ERI1: variants seen among roughly 807,000 people sequenced by gnomAD.
ERI1 encodes exoribonuclease 1.
Under a neutral mutation model 39.7 loss-of-function variants are expected in ERI1, and 39 were observed. The observed-to-expected ratio is 0.98, with a 90% CI of 0.76 to 1.28. The LOEUF is 1.28. Ranked by LOEUF, ERI1 falls within the 50% of genes most tolerant of loss-of-function variation. ERI1 has a pLI of 0.00. For synonymous variants in ERI1, 204 were observed against 149.6 expected (o/e 1.36, Z -2.65); for missense variants, 581 against 416.9 (o/e 1.39, Z -3.43).
chr8:9,009,927 G>C (rs1044050750), intron 2 of ERI1, among the ~76,000 whole-genome samples: 3 of 152,232 alleles, frequency 2.0e-5, no homozygotes, highest in Non-Finnish European at 4.4e-5. Flanking sequence ...GCCAAGTTGT[G>C]AAGGAACTCT....
At chr8:9,006,209 T>G (rs1396927159) in intron 1 of ERI1, among the ~76,000 whole-genome samples, 1 of 152,162 alleles carries the variant, frequency 6.6e-6, no homozygotes, top group Non-Finnish European at 1.5e-5. Context: ...TTAGTGTAGA[T>G]TTGAAATTTG....
At chr8:9,066,617 A>G (rs775291419) in intron 3 of ERI1, among the ~76,000 whole-genome samples, 1 of 152,208 alleles carries the variant, frequency 6.6e-6, no homozygotes, top group Non-Finnish European at 1.5e-5. Flanking sequence ...ACATTTTGTT[A>G]TTCAAGGAAT....
chr8:9,016,005 A>G (rs1210081698), intron 3 of ERI1, among the ~76,000 whole-genome samples: 1 of 152,194 alleles, frequency 6.6e-6, no homozygotes, highest in African/African-American at 2.4e-5. Flanking sequence ...TAGAGGATGC[A>G]TTAATGCGCT....
intron 3 of ERI1, among the ~76,000 whole-genome samples, chr8:9,012,361 C>T (rs1473760506): frequency 6.6e-6 from 1 of 152,142 alleles, no homozygotes; most frequent in Non-Finnish European, 1.5e-5. Context: ...GTAGGAATTC[C>T]CTAAAATAAT....
downstream of ERI1, among the ~76,000 whole-genome samples, chr8:9,036,537 A>G (rs1448461011): frequency 6.6e-6 from 1 of 152,128 alleles, no homozygotes; most frequent in East Asian, 1.9e-4. Context: ...TATTGTTTAA[A>G]TTTAACTTTT....
intron 3 of ERI1, among the ~76,000 whole-genome samples, chr8:9,012,266 A>G (rs1349640413): frequency 6.6e-6 from 1 of 152,200 alleles, no homozygotes; most frequent in Non-Finnish European, 1.5e-5. Context: ...TTAAGGGTGA[A>G]ATGACTCATA....
At chr8:9,025,699 T>TG (rs201894483) in intron 6 of ERI1, among the ~76,000 whole-genome samples, 1,577 of 126,764 alleles carry the variant, frequency 0.012, 8 homozygotes, top group East Asian at 0.049. Context: ...TAATCTTTTT[T>TG]TTTTGTGTGT....
intron 4 of ERI1, among the ~76,000 whole-genome samples, chr8:9,016,784 C>G (rs1347502041): frequency 6.6e-6 from 1 of 152,166 alleles, no homozygotes; most frequent in Non-Finnish European, 1.5e-5. Context: ...CTCCTGGGCT[C>G]AAGCGATTCT....
At chr8:9,044,671 G>C (rs1585255873) in intron 3 of ERI1, among the ~76,000 whole-genome samples, 1 of 152,052 alleles carries the variant, frequency 6.6e-6, no homozygotes, top group African/African-American at 2.4e-5. Context: ...CATGACATTA[G>C]AAAGAGAAGC....
chr8:9,045,750 C>A (rs893468092), intron 3 of ERI1, among the ~76,000 whole-genome samples: 1 of 149,968 alleles, frequency 6.7e-6, no homozygotes, highest in Non-Finnish European at 1.5e-5. Flanking sequence ...AATCTCGGCT[C>A]ACTGCGACCT....
At chr8:9,043,840 G>A (rs577296219) in intron 3 of ERI1, among the ~76,000 whole-genome samples, 1 of 152,228 alleles carries the variant, frequency 6.6e-6, no homozygotes, top group African/African-American at 2.4e-5. Flanking sequence ...GGCCATAATT[G>A]TATTGTTTAT....
intron 5 of ERI1, among the ~76,000 whole-genome samples, chr8:9,019,507 G>A (rs947860674): frequency 1.3e-5 from 2 of 152,154 alleles, no homozygotes; most frequent in African/African-American, 4.8e-5. Flanking sequence ...GTCTCATTTT[G>A]TGGGACAGAT....
intron 3 of ERI1, among the ~76,000 whole-genome samples, chr8:9,071,556 G>C (rs1799051102): frequency 6.6e-6 from 1 of 152,206 alleles, no homozygotes; most frequent in Non-Finnish European, 1.5e-5. Flanking sequence ...TCCGTTTCCA[G>C]TTTATTCATC....
chr8:9,029,721 TC>T, intron 6 of ERI1, 70 bp from the exon 7 acceptor site: 1 of 1,558,034 alleles, frequency 6.4e-7, no homozygotes, highest in African/African-American at 1.4e-5. Flanking sequence ...TTCTTATTTT[TC>T]ATCTTAACTG....
Position 9,003,190 on chromosome 8 carries a change from C to G in ERI1, c.108+19C>G, listed in dbSNP as rs1221508211. The G allele has an allele frequency of 3.2e-6, 4 of 1,234,680 alleles. No individual in the cohort carries two copies. Among genetic ancestry groups the G allele is most frequent in the Middle Eastern group, 3.1e-4 (1 of 3,242 alleles). 76.5% of individuals were successfully genotyped at this position (1,234,680 alleles called of 1,614,324 possible). A position where few individuals can be genotyped will look rare whatever the true frequency, so the allele number is the denominator to read the frequency against. Reference sequence around the variant, plus strand: ...TCCCGAGGTGAGGAGTCGACCCGCGCCTGGCTGTTGGCGCCAGCTGCCCCG... The same window carrying G: ...TCCCGAGGTGAGGAGTCGACCCGCGGCTGGCTGTTGGCGCCAGCTGCCCCG... On this transcript the variant is annotated intron_variant, in intron 1 of 6. Coordinates refer to ENST00000250263, the MANE Select transcript of ERI1 (RefSeq NM_153332.4).
intron 3 of ERI1, among the ~76,000 whole-genome samples, chr8:9,096,095 C>T (rs916483856): frequency 3.3e-5 from 5 of 152,160 alleles, no homozygotes; most frequent in Admixed American, 2.0e-4. Flanking sequence ...GTAGAGAGGA[C>T]GTTTACTTTG....
chr8:9,093,623 A>G (rs1411664715), intron 3 of ERI1, among the ~76,000 whole-genome samples: 4 of 152,168 alleles, frequency 2.6e-5, no homozygotes, highest in African/African-American at 7.2e-5. Flanking sequence ...GCTGGCGTGC[A>G]GTGGTGCAAT....
At chr8:9,003,904 G>C (rs1171823026) in intron 1 of ERI1, among the ~76,000 whole-genome samples, 2 of 152,316 alleles carry the variant, frequency 1.3e-5, no homozygotes, top group East Asian at 3.9e-4. Context: ...CCTAACTCTT[G>C]CTCCTTCCGT....
At position 9,030,734 on chromosome 8, in the gene ERI1, C is replaced by A. The variant is rs982198613; in HGVS notation, c.*700C>A. 6.6e-6 allele frequency: 1 copy of A among 152,000 alleles called. No homozygotes were observed. The highest frequency in any genetic ancestry group is 1.5e-5 in the Non-Finnish European group (1 of 67,978). 9.4% of individuals were successfully genotyped at this position (152,000 alleles called of 1,614,324 possible). A position where few individuals can be genotyped will look rare whatever the true frequency, so the allele number is the denominator to read the frequency against. Reference sequence around the variant, plus strand: ...TTCATAATACATAAATCACTGGGGTCTTTTTGGATTTGGTTGTTTGATTCG... The same window carrying A: ...TTCATAATACATAAATCACTGGGGTATTTTTGGATTTGGTTGTTTGATTCG... On this transcript the variant is annotated 3_prime_UTR_variant, in exon 7 of 7. Transcript: ENST00000250263.
Sources: gnomAD v4.1 joint callset for allele counts (sites outside exome capture counted in the v4.1 genomes callset) on GRCh38, gnomAD v4.1.1 for gene constraint, MANE v1.5 for transcripts, NCBI Gene and HGNC (gene_info 2026-07-23, HGNC 2026-07-21) for gene names.